FDFT1: variants seen among roughly 807,000 people sequenced by gnomAD.
FDFT1 encodes the protein farnesyl-diphosphate farnesyltransferase 1.
FDFT1 carries 68 observed loss-of-function variants against 46.8 expected under a neutral mutation model. The observed-to-expected ratio is 1.45, with a 90% CI of 1.19 to 1.78. FDFT1 has a LOEUF of 1.78. FDFT1 is among the 40% of genes most tolerant of loss of function. The pLI, the probability that FDFT1 is intolerant of heterozygous loss-of-function variation, is 0.00. For missense variants in FDFT1, 928 were observed against 524.4 expected (o/e 1.77, Z -7.52); for synonymous variants, 351 against 185.1 (o/e 1.90, Z -7.28).
chr8:11,821,372 C>A (rs145554124), intron 3 of FDFT1, among the ~76,000 whole-genome samples: 1 of 152,222 alleles, frequency 6.6e-6, no homozygotes, highest in East Asian at 1.9e-4. Flanking sequence ...GCTAGTGGAT[C>A]ATGAGGTCAG....
intron 7 of FDFT1, among the ~76,000 whole-genome samples, chr8:11,834,178 C>T (rs960413589): frequency 6.6e-6 from 1 of 152,126 alleles, no homozygotes; most frequent in Non-Finnish European, 1.5e-5. Flanking sequence ...AAGGGACTTG[C>T]CAGAGGACCT....
At chr8:11,810,500 T>C (rs1488471054) in intron 3 of FDFT1, among the ~76,000 whole-genome samples, 2 of 152,204 alleles carry the variant, frequency 1.3e-5, no homozygotes, top group African/African-American at 4.8e-5. Flanking sequence ...AAGTTAGAGC[T>C]GAGAGGATTA....
intron 1 of FDFT1, chr8:11,803,650 C>T (rs1008627772): frequency 1.5e-5 from 7 of 464,506 alleles, no homozygotes; most frequent in Non-Finnish European, 2.0e-5. Flanking sequence ...TAGACAAATT[C>T]AGCCAAGTTC....
chr8:11,814,523 T>C (rs1290843479), intron 3 of FDFT1, among the ~76,000 whole-genome samples: 1 of 152,218 alleles, frequency 6.6e-6, no homozygotes, highest in Admixed American at 6.5e-5. Flanking sequence ...TCTTCACTGT[T>C]TGCAGTATTA....
At chr8:11,796,299 T>C (rs1805560811) in intron 1 of FDFT1, among the ~76,000 whole-genome samples, 1 of 152,190 alleles carries the variant, frequency 6.6e-6, no homozygotes, top group South Asian at 2.1e-4. Flanking sequence ...ACTGATCTGA[T>C]TACGCTGTAA....
At chr8:11,831,752 T>C in intron 7 of FDFT1, 82 bp downstream of exon 7, 1 of 1,148,264 alleles carries the variant, frequency 8.7e-7, no homozygotes, top group South Asian at 1.3e-5. Flanking sequence ...GGTTTGGATA[T>C]TAGATGATCC....
intron 5 of FDFT1, among the ~76,000 whole-genome samples, chr8:11,828,095 G>C (rs533310751): frequency 3.3e-5 from 5 of 151,944 alleles, no homozygotes; most frequent in Non-Finnish European, 7.4e-5. Flanking sequence ...CCAGCTACTT[G>C]GGAGGCTGAT....
upstream of FDFT1, among the ~76,000 whole-genome samples, chr8:11,801,064 C>CAA (rs1806068724): frequency 6.6e-6 from 1 of 152,072 alleles, no homozygotes; most frequent in African/African-American, 2.4e-5. Context: ...TGAGAGAGGG[C>CAA]AAACAGGTGG....
chr8:11,796,358 C>T (rs1004187270), intron 1 of FDFT1, among the ~76,000 whole-genome samples: 2 of 152,128 alleles, frequency 1.3e-5, no homozygotes, highest in East Asian at 1.9e-4. Flanking sequence ...TTGAGGGGGC[C>T]ACTGTGAGGT....
chr8:11,805,465 C>G (rs1369849784), intron 1 of FDFT1, among the ~76,000 whole-genome samples: 1 of 152,210 alleles, frequency 6.6e-6, no homozygotes, highest in East Asian at 1.9e-4. Context: ...CCTGTCCAAT[C>G]TAAATCCTGT....
intron 4 of FDFT1, among the ~76,000 whole-genome samples, chr8:11,825,415 C>T (rs933274615): frequency 4.0e-5 from 6 of 151,734 alleles, no homozygotes; most frequent in Admixed American, 6.6e-5. Context: ...GTGGTGGGTG[C>T]TTTAATTCCA....
At position 11,830,480 on chromosome 8, in the gene FDFT1, G is replaced by C. The variant is rs137899191; in HGVS notation, c.879+60G>C. 198 of 1,258,722 alleles carry C rather than the reference G, an allele frequency of 1.6e-4. 1 individual carries two copies. The African/African-American group carries it at 2.5e-3, about 16-fold the overall frequency. 78.0% of individuals were successfully genotyped at this position (1,258,722 alleles called of 1,614,324 possible). A position where few individuals can be genotyped will look rare whatever the true frequency, so the allele number is the denominator to read the frequency against. On this transcript the variant is annotated intron_variant, in intron 6 of 7. Transcript: ENST00000220584. ...CTAAAGGGAGTGGGGTAGGAGTAAGGGTGGATTTTGCTGTGCTATATTCAA... is the reference window on the plus strand; with the variant it reads ...CTAAAGGGAGTGGGGTAGGAGTAAGCGTGGATTTTGCTGTGCTATATTCAA...
At chr8:11,827,827 G>GCC (rs1476005566) in intron 5 of FDFT1, among the ~76,000 whole-genome samples, 1 of 151,898 alleles carries the variant, frequency 6.6e-6, no homozygotes, top group East Asian at 1.9e-4. Context: ...GATCACTGAA[G>GCC]CCAGGATATC....
At position 11,809,422 on chromosome 8, in the gene FDFT1, C is replaced by T. The variant is rs1490905076; in HGVS notation, c.198-245C>T. ...TTCTACATTGGTTAAATGCAACTCA[C>T]TTCTGGGAGTAGTGGTGACATTCAA... On this transcript the variant is annotated intron_variant, in intron 2 of 7. Coordinates refer to ENST00000220584, the MANE Select transcript of FDFT1 (RefSeq NM_004462.5). 7.3e-6 allele frequency: 9 copies of T among 1,239,132 alleles called. 1 individual carries two copies. Among genetic ancestry groups the T allele is most frequent in the Non-Finnish European group, 8.1e-6 (8 of 990,478 alleles). 76.8% of individuals were successfully genotyped at this position (1,239,132 alleles called of 1,614,324 possible).
At chr8:11,808,545 G>GC (rs1807213585) in intron 1 of FDFT1, 3 of 1,361,112 alleles carry the variant, frequency 2.2e-6, no homozygotes, top group Non-Finnish European at 2.8e-6. Flanking sequence ...CGGCACCAAG[G>GC]CCATGGCCCT....
upstream of FDFT1, chr8:11,802,652 C>T: frequency 1.6e-6 from 1 of 607,096 alleles, no homozygotes; most frequent in Non-Finnish European, 2.9e-6. Flanking sequence ...CGCAGCTAGC[C>T]CCGCTGGCGG....
intron 1 of FDFT1, among the ~76,000 whole-genome samples, chr8:11,797,166 C>T (rs1805638152): frequency 6.6e-6 from 1 of 152,194 alleles, no homozygotes; most frequent in Non-Finnish European, 1.5e-5. Flanking sequence ...TTCGGCCCCT[C>T]CCTGTTTTAG....
chr8:11,797,542 A>G (rs1805684460), upstream of FDFT1, among the ~76,000 whole-genome samples: 1 of 151,168 alleles, frequency 6.6e-6, no homozygotes, highest in East Asian at 1.9e-4. Context: ...ACAGATAATC[A>G]CAGCTACTAG....
In FDFT1 at chr8:11,838,531, T is replaced by A; in HGVS notation, c.1176T>A (p.Leu392=). ...CCATCTACCTGTCGTTTGTCATGCT[T>A]TTGGCTGCCCTGAGCTGGCAGTACC... is the stretch of plus-strand genomic sequence containing the variant. The part of the protein sequence containing the change: ...YSPIYLSFVM[L]LAALSWQYLT... Residue 392 remains leucine, a synonymous_variant, in exon 8 of 8, where the codon CTT becomes CTA. Coordinates refer to ENST00000220584, the MANE Select transcript of FDFT1 (RefSeq NM_004462.5). The A allele has an allele frequency of 8.7e-6, 14 of 1,610,506 alleles. No homozygotes were observed. Among genetic ancestry groups the A allele is most frequent in the Non-Finnish European group, 1.1e-5 (13 of 1,178,146 alleles).
Sources: gnomAD v4.1 joint callset for allele counts (sites outside exome capture counted in the v4.1 genomes callset) on GRCh38, gnomAD v4.1.1 for gene constraint, MANE v1.5 for transcripts, NCBI Gene and HGNC (gene_info 2026-07-23, HGNC 2026-07-21) for gene names.